The following MLIP variants were observed in gnomAD, a reference collection of about 807,000 sequenced individuals.
MLIP encodes the protein muscular LMNA interacting protein, also known as muscular LMNA-interacting protein.
Under a neutral mutation model 84.8 loss-of-function variants are expected in MLIP, and 79 were observed. The observed-to-expected ratio is 0.93, with a 90% CI of 0.78 to 1.12. The LOEUF (loss-of-function observed/expected upper bound fraction) is 1.12. MLIP is among the 50% of genes most tolerant of loss of function. The pLI, the probability that MLIP is intolerant of heterozygous loss-of-function variation, is 0.00. For synonymous variants in MLIP, 504 were observed against 463.0 expected, an observed-to-expected ratio of 1.09 and a Z score of -1.14; for missense variants, 1,257 against 1,160.6, an observed-to-expected ratio of 1.08 and a Z score of -1.21.
At chr6:54,225,185 T>C (rs12661918) in intron 11 of MLIP, among the ~76,000 whole-genome samples, 1 of 152,196 alleles carries the variant, frequency 6.6e-6, no homozygotes, top group East Asian at 1.9e-4. Flanking sequence ...ATAGCAACTG[T>C]ACTAGTTAGG....
intron 4 of MLIP, among the ~76,000 whole-genome samples, chr6:54,144,617 A>G (rs923002710): frequency 2.0e-5 from 3 of 152,318 alleles, no homozygotes; most frequent in East Asian, 1.9e-4. Flanking sequence ...CTGATCTGGT[A>G]GGAGGCAGAG....
chr6:54,102,369 G>A (rs565374955), intron 1 of MLIP, among the ~76,000 whole-genome samples: 1 of 152,162 alleles, frequency 6.6e-6, no homozygotes, highest in Non-Finnish European at 1.5e-5. Context: ...TTAAGTGTTT[G>A]AGGTAGCCAT....
chr6:54,212,908 T>C (rs1371386270), intron 11 of MLIP, among the ~76,000 whole-genome samples: 2 of 152,240 alleles, frequency 1.3e-5, no homozygotes, highest in African/African-American at 2.4e-5. Flanking sequence ...CATTGGTAAA[T>C]TTGTCAACTA....
At chr6:54,256,869 A>G (rs771724168) in intron 12 of MLIP, among the ~76,000 whole-genome samples, 36 of 152,174 alleles carry the variant, frequency 2.4e-4, no homozygotes, top group Non-Finnish European at 5.1e-4. Flanking sequence ...CTATAGATGC[A>G]TCTACACTTA....
chr6:54,047,442 A>G (rs1057509880), intron 1 of MLIP: 2 of 152,230 alleles, frequency 1.3e-5, no homozygotes, highest in African/African-American at 4.8e-5. Context: ...GAGCTAGAAC[A>G]GTAAGTGCAT....
At chr6:54,115,941 A>G (rs1224167940) in intron 1 of MLIP, among the ~76,000 whole-genome samples, 2 of 152,256 alleles carry the variant, frequency 1.3e-5, no homozygotes, top group Non-Finnish European at 2.9e-5. Flanking sequence ...TATTTTGAAA[A>G]TAAGATACAG....
chr6:54,121,398 G>A (rs773486671), intron 1 of MLIP, 49 bp from the exon 2 acceptor site: 17 of 1,592,996 alleles, frequency 1.1e-5, no homozygotes, highest in Non-Finnish European at 1.3e-5. Flanking sequence ...ATAAAGGCAA[G>A]ATAAACCTTT....
chr6:54,247,634 G>A (rs896977056), intron 12 of MLIP, among the ~76,000 whole-genome samples: 21 of 152,158 alleles, frequency 1.4e-4, no homozygotes, highest in Non-Finnish European at 3.1e-4. Context: ...TAATGCATAG[G>A]AAGGTGTGGG....
intron 13 of MLIP, among the ~76,000 whole-genome samples, chr6:54,258,542 C>T (rs942619018): frequency 1.3e-5 from 2 of 151,956 alleles, no homozygotes; most frequent in Non-Finnish European, 2.9e-5. Context: ...AGACTCTCAA[C>T]ACATGTAGCC....
At chr6:54,050,862 T>G (rs1030277080) in intron 1 of MLIP, among the ~76,000 whole-genome samples, 2 of 150,974 alleles carry the variant, frequency 1.3e-5, no homozygotes, top group African/African-American at 4.8e-5. Context: ...CACCTAACAC[T>G]AACTATTTTT....
chr6:54,026,570 T>C lies in MLIP; in HGVS notation c.63+7479T>C, dbSNP rs1372359169. Among the ~76,000 whole-genome samples the C allele has an allele frequency of 2.0e-5, 3 of 152,144 alleles. No individual in the cohort carries two copies. In the East Asian group the frequency reaches 5.8e-4, roughly 29 times the overall value. On this transcript the variant is annotated intron_variant, in intron 1 of 12. Transcript: ENST00000274897. ...TGATAGTGGTGGACCATGAGGATCATTGGGAAATTGCTAAGCAGTGAGAAT... is the reference window on the plus strand; with the variant it reads ...TGATAGTGGTGGACCATGAGGATCACTGGGAAATTGCTAAGCAGTGAGAAT...
At chr6:54,201,396 C>A (rs1582483421) in intron 10 of MLIP, among the ~76,000 whole-genome samples, 1 of 152,188 alleles carries the variant, frequency 6.6e-6, no homozygotes, top group African/African-American at 2.4e-5. Flanking sequence ...GGAAAGCCCT[C>A]TGGTGTCTCT....
At chr6:54,249,423 A>T (rs1225810745) in intron 12 of MLIP, among the ~76,000 whole-genome samples, 3 of 152,158 alleles carry the variant, frequency 2.0e-5, no homozygotes, top group South Asian at 2.1e-4. Flanking sequence ...TATATTTTTG[A>T]TATTTGGCCT....
rs770160996 is a variant in MLIP at position 54,124,816 on chromosome 6, C to T, written c.596C>T (p.Ser199Leu). 1 of 1,611,780 alleles carries T rather than the reference C, an allele frequency of 6.2e-7. No homozygotes were observed. The highest frequency in any genetic ancestry group is 1.7e-5 in the Admixed American group (1 of 59,732). The change falls in exon 3 of 14, where the codon TCA becomes TTA. Residue 199 changes from serine (S) to leucine (L), a missense_variant. Physicochemically the swap from Ser to Leu is moderately radical, Grantham distance 145 (BLOSUM62 -2). Coordinates refer to ENST00000502396, the MANE Select transcript of MLIP (RefSeq NM_001281747.2). ...KTQGTDLKTS[S>L]HPEMLHGMAP... ...CAGGGGACTGATCTCAAGACCTCAT[C>T]ACATCCTGAAATGCTTCATGGGATG...
chr6:54,167,431 C>A (rs1237999994), intron 8 of MLIP, among the ~76,000 whole-genome samples: 1 of 151,844 alleles, frequency 6.6e-6, no homozygotes, highest in Non-Finnish European at 1.5e-5. Flanking sequence ...TATCAGTGAT[C>A]ATTTTATAGT....
intron 1 of MLIP, among the ~76,000 whole-genome samples, chr6:54,120,570 A>C (rs1227253818): frequency 6.6e-6 from 1 of 152,082 alleles, no homozygotes; most frequent in Non-Finnish European, 1.5e-5. Context: ...GATTTTATCT[A>C]TCTACAATTC....
At chr6:54,204,218 A>C (rs1248941474) in intron 11 of MLIP, among the ~76,000 whole-genome samples, 6 of 152,158 alleles carry the variant, frequency 3.9e-5, no homozygotes. Flanking sequence ...AAAATTATAG[A>C]CCTCAAATTA....
At chr6:54,157,357 C>G (rs1774137602) in intron 5 of MLIP, among the ~76,000 whole-genome samples, 1 of 152,130 alleles carries the variant, frequency 6.6e-6, no homozygotes, top group Non-Finnish European at 1.5e-5. Context: ...AAGTTCCCCT[C>G]TTCACTCTGC....
chr6:54,158,098 ACCTCTT>A, intron 5 of MLIP, among the ~76,000 whole-genome samples: 2 of 152,080 alleles, frequency 1.3e-5, no homozygotes, highest in African/African-American at 2.4e-5. Flanking sequence ...TGGACCTGGT[ACCTCTT>A]GGTCAAGGCT....
Sources: allele counts gnomAD v4.1 joint callset (sites outside exome capture counted in the v4.1 genomes callset), GRCh38; gene constraint gnomAD v4.1.1; transcripts MANE v1.5; gene names NCBI Gene and HGNC (gene_info 2026-07-23, HGNC 2026-07-21).